Variants in DDC observed in about 807,000 individuals in gnomAD.
DDC encodes dopa decarboxylase.
A neutral mutation model predicts 60.0 loss-of-function variants in DDC; 43 were observed. That is an observed-to-expected ratio of 0.72 (90% CI 0.56 to 0.92). DDC has a LOEUF of 0.92. Ranked by LOEUF, DDC falls within the 40% of genes least tolerant of loss-of-function variation. DDC has a pLI of 0.00. For synonymous variants in DDC, 232 were observed against 234.6 expected, an observed-to-expected ratio of 0.99 and a Z score of 0.10; for missense variants, 573 against 620.2, an observed-to-expected ratio of 0.92 and a Z score of 0.81.
intron 6 of DDC, among the ~76,000 whole-genome samples, chr7:50,527,402 T>C (rs1176599115): frequency 6.6e-6 from 1 of 152,226 alleles, no homozygotes; most frequent in African/African-American, 2.4e-5. Context: ...ATATTGACAC[T>C]ATAGGTTCAA....
chr7:50,529,319 C>G lies in DDC; in HGVS notation c.459G>C (p.Leu153=), dbSNP rs780705506. 6.2e-7 allele frequency: 1 copy of G among 1,614,202 alleles called. No individual in the cohort carries two copies. Among genetic ancestry groups the G allele is most frequent in the Non-Finnish European group, 8.5e-7 (1 of 1,180,040 alleles). The change falls in exon 5 of 15, where the codon CTG becomes CTC. Residue 153 remains leucine (L), a synonymous_variant. Coordinates refer to ENST00000444124, the MANE Select transcript of DDC (RefSeq NM_001082971.2). Reference sequence around the variant, plus strand: ...TGGTCCGAGCGGCCAGCAGGGCCACCAGGGTGGCTTCACTGGCACTTCCCT... The same window carrying G: ...TGGTCCGAGCGGCCAGCAGGGCCACGAGGGTGGCTTCACTGGCACTTCCCT... ...VIQGSASEAT[L]VALLAARTKV...
intron 14 of DDC, among the ~76,000 whole-genome samples, chr7:50,460,134 G>A (rs181073364): frequency 0.043 from 6,017 of 140,306 alleles, 252 homozygotes; most frequent in South Asian, 0.11. Flanking sequence ...GCCCCTACTG[G>A]GAAGTGAGGA....
intron 13 of DDC, among the ~76,000 whole-genome samples, chr7:50,465,041 A>G (rs560710158): frequency 8.5e-5 from 13 of 152,356 alleles, no homozygotes; most frequent in African/African-American, 2.9e-4. Flanking sequence ...GAGAGGACTC[A>G]CTATATGGCA....
At position 50,543,990 on chromosome 7, in the gene DDC, G is replaced by T. The variant is rs11575290; in HGVS notation, c.96C>A (p.Asp32Glu). 1 of 1,614,050 alleles carries T rather than the reference G, an allele frequency of 6.2e-7. No homozygotes were observed. Among genetic ancestry groups the T allele is most frequent in the African/African-American group, 1.3e-5 (1 of 74,908 alleles). The change falls in exon 2 of 15, where the codon GAC becomes GAA. Residue 32 changes from aspartate (D) to glutamate (E), a missense_variant. Physicochemically the swap from Asp to Glu is conservative, Grantham distance 45 (BLOSUM62 2). Coordinates refer to ENST00000444124, the MANE Select transcript of DDC (RefSeq NM_001082971.2). ...EGIEGRQVYP[D>E]VEPGYLRPLI... ...GCGGCCGCAGGTACCCGGGCTCCAC[G>T]TCAGGGTAGACCTGGCGTCCCTCAA...
chr7:50,459,137 T>C (rs898410026), intron 14 of DDC, among the ~76,000 whole-genome samples: 1 of 152,240 alleles, frequency 6.6e-6, no homozygotes, highest in Non-Finnish European at 1.5e-5. Context: ...TCGTATTTTT[T>C]TGGTGGAGAC....
rs199573720 is a variant in DDC, at chr7:50,540,031, G to A, written c.202-3C>T. ...TAGGGGCTGTGCCAGTGCGTCACCTGCATGGGAGGACAGAGCAGCTGCTGA... is the reference window on the plus strand; with the variant it reads ...TAGGGGCTGTGCCAGTGCGTCACCTACATGGGAGGACAGAGCAGCTGCTGA... On this transcript the variant is annotated splice_region_variant and splice_polypyrimidine_tract_variant and intron_variant, in intron 2 of 14. Coordinates refer to ENST00000444124, the MANE Select transcript of DDC (RefSeq NM_001082971.2). 51 of 1,608,452 alleles carry A rather than the reference G, an allele frequency of 3.2e-5. No individual in the cohort carries two copies. The highest frequency in any genetic ancestry group is 5.3e-5 in the African/African-American group (4 of 74,780).
chr7:50,542,622 T>C (rs1394467031), intron 2 of DDC: 1 of 152,104 alleles, frequency 6.6e-6, no homozygotes, highest in South Asian at 2.1e-4. Flanking sequence ...AATGCCCCCA[T>C]AGAAGGAAGC....
intron 6 of DDC, among the ~76,000 whole-genome samples, chr7:50,513,931 T>A (rs1316565116): frequency 6.6e-6 from 1 of 152,112 alleles, no homozygotes; most frequent in Non-Finnish European, 1.5e-5. Context: ...TTGGGAGTTG[T>A]AGGGCCCTGC....
chr7:50,470,152 C>A lies in DDC; in HGVS notation c.1061G>T (p.Gly354Val). 1 of 1,612,106 alleles carries A rather than the reference C, an allele frequency of 6.2e-7. No individual in the cohort carries two copies. Among genetic ancestry groups the A allele is most frequent in the Non-Finnish European group, 8.5e-7 (1 of 1,178,252 alleles). The change falls in exon 12 of 15, where the codon GGC becomes GTC. Residue 354 changes from glycine to valine, a missense_variant. Gly to Val is a moderately radical substitution (Grantham distance 109). Transcript: ENST00000444124. ...TDYRHWQIPL[G>V]RRFRSLKMWF... Reference sequence around the variant, plus strand: ...CATTTTCAAAGAGCGAAATCTTCTGCCCAGTGGTATCTGCCAATGCTGAAA... The same window carrying A: ...CATTTTCAAAGAGCGAAATCTTCTGACCAGTGGTATCTGCCAATGCTGAAA...
intron 2 of DDC, chr7:50,543,536 A>G: frequency 2.7e-6 from 1 of 364,052 alleles, no homozygotes; most frequent in Non-Finnish European, 5.3e-6. Flanking sequence ...GACTTATTTG[A>G]AAGCAGCCAC....
chr7:50,469,523 A>G (rs11575499), intron 12 of DDC, among the ~76,000 whole-genome samples: 161 of 152,346 alleles, frequency 1.1e-3, no homozygotes, highest in African/African-American at 3.8e-3. Flanking sequence ...ATTCTTGGCT[A>G]GATGTGGCTA....
At chr7:50,561,506 C>A (rs1009336945) in intron 1 of DDC, among the ~76,000 whole-genome samples, 9 of 152,158 alleles carry the variant, frequency 5.9e-5, no homozygotes, top group African/African-American at 2.2e-4. Context: ...GCCCACTTCC[C>A]CAGATGAGAA....
intron 1 of DDC, among the ~76,000 whole-genome samples, chr7:50,554,036 G>A (rs1364362854): frequency 6.6e-6 from 1 of 152,132 alleles, no homozygotes; most frequent in Admixed American, 6.5e-5. Flanking sequence ...GTGGCCAGGA[G>A]GTACGTGAAT....
intron 2 of DDC, chr7:50,542,799 C>T (rs2044676863): frequency 6.6e-6 from 1 of 152,230 alleles, no homozygotes; most frequent in African/African-American, 2.4e-5. Flanking sequence ...AGTGAGAATC[C>T]CCTGGAAGAA....
intron 9 of DDC, among the ~76,000 whole-genome samples, chr7:50,491,112 G>A (rs762491831): frequency 1.1e-4 from 16 of 151,414 alleles, no homozygotes; most frequent in African/African-American, 3.4e-4. Flanking sequence ...CTTTTTAATC[G>A]TGATTTGAAA....
intron 6 of DDC, among the ~76,000 whole-genome samples, chr7:50,512,633 T>C (rs567042515): frequency 1.2e-4 from 18 of 152,252 alleles, no homozygotes; most frequent in African/African-American, 4.3e-4. Flanking sequence ...CCTCCAAATA[T>C]TGGGAGTCTG....
At chr7:50,518,643 A>T (rs2043804391) in intron 6 of DDC, among the ~76,000 whole-genome samples, 1 of 152,214 alleles carries the variant, frequency 6.6e-6, no homozygotes, top group African/African-American at 2.4e-5. Flanking sequence ...GGGGGAAAGG[A>T]CACCCTTTTC....
At chr7:50,520,240 C>G (rs2043854407) in intron 6 of DDC, among the ~76,000 whole-genome samples, 1 of 152,138 alleles carries the variant, frequency 6.6e-6, no homozygotes, top group Admixed American at 6.5e-5. Context: ...TTCTCACGCT[C>G]ACAATCAACA....
intron 9 of DDC, chr7:50,492,909 C>A (rs752715063): frequency 6.3e-7 from 1 of 1,596,284 alleles, no homozygotes; most frequent in South Asian, 1.1e-5. Flanking sequence ...AGCTCTGCGG[C>A]AGGCACTCCA....
Sources: gnomAD v4.1 joint callset for allele counts (sites outside exome capture counted in the v4.1 genomes callset) on GRCh38, gnomAD v4.1.1 for gene constraint, MANE v1.5 for transcripts, NCBI Gene and HGNC (gene_info 2026-07-23, HGNC 2026-07-21) for gene names.